The following TKT variants were observed in gnomAD, a reference collection of about 807,000 sequenced individuals.
TKT encodes the protein transketolase, also known as epididymis luminal protein 107.
A neutral mutation model predicts 63.9 loss-of-function variants in TKT; 47 were observed. That is an observed-to-expected ratio of 0.74 (90% CI 0.58 to 0.94). The LOEUF is 0.94. Among genes scored for constraint, TKT ranks in the 40% least tolerant of loss-of-function variants. The pLI is 0.00. For synonymous variants in TKT, 338 were observed against 334.1 expected, an observed-to-expected ratio of 1.01 and a Z score of -0.13; for missense variants, 721 against 846.2, an observed-to-expected ratio of 0.85 and a Z score of 1.84.
intron 4 of TKT, among the ~76,000 whole-genome samples, chr3:53,239,986 C>T (rs898095550): frequency 6.6e-6 from 1 of 152,236 alleles, no homozygotes; most frequent in Non-Finnish European, 1.5e-5. Context: ...TGAGAGCACG[C>T]ACTCTGTGCA....
rs782682940 is a variant in TKT, at chr3:53,241,102, G to A, written c.339+30C>T. Reference sequence around the variant, plus strand: ...CTGGGAAATAGGAAGTGGAGGCAGAGGCATGGGAGGCTCTGGCAGGAGCAC... The same window carrying A: ...CTGGGAAATAGGAAGTGGAGGCAGAAGCATGGGAGGCTCTGGCAGGAGCAC... On this transcript the variant is annotated intron_variant, in intron 3 of 13. Transcript: ENST00000462138. 6.6e-6 allele frequency: 10 copies of A among 1,521,780 alleles called. No homozygotes were observed. In the South Asian group the frequency reaches 1.3e-4, roughly 20 times the overall value. 94.3% of individuals were successfully genotyped at this position (1,521,780 alleles called of 1,614,324 possible).
rs782112598 is a variant in TKT, at chr3:53,255,965, C to T, written c.-23G>A. The T allele has an allele frequency of 3.4e-6, 5 of 1,484,568 alleles. No individual in the cohort carries two copies. Among genetic ancestry groups the T allele is most frequent in the Admixed American group, 4.2e-5 (2 of 47,926 alleles). 92.0% of individuals were successfully genotyped at this position (1,484,568 alleles called of 1,614,324 possible). ...CATGGTGCGGCAGGCGGGGACCGGG[C>T]GCACACGCGGACACACAGAGATAGC... On this transcript the variant is annotated 5_prime_UTR_variant, in exon 1 of 14. Coordinates refer to ENST00000462138, the MANE Select transcript of TKT (RefSeq NM_001064.4).
Position 53,225,760 on chromosome 3 carries a change from G to A in TKT, c.1868C>T (p.Ala623Val). Residue 623 changes from alanine (A) to valine (V), a missense_variant, in exon 14 of 14, where the codon GCC becomes GTC. By Grantham distance (64) the Ala-to-Val change is moderately conservative. Transcript: ENST00000462138. ...GCCCCACACTTCATACCCGCCCTAG[G>A]CCTTGGTGATGAGGCCCCTCACAGC... Reference protein sequence around the residue: ...AQAVRGLITKA With the variant: ...AQAVRGLITKV The A allele has an allele frequency of 1.2e-6, 2 of 1,611,778 alleles. No homozygotes were observed. Among genetic ancestry groups the A allele is most frequent in the Non-Finnish European group, 1.7e-6 (2 of 1,178,534 alleles).
intron 4 of TKT, 114 bp from the exon 5 acceptor site, chr3:53,235,288 T>A: frequency 2.1e-6 from 2 of 969,624 alleles, no homozygotes; most frequent in Admixed American, 3.5e-5. Flanking sequence ...CACGCATGGA[T>A]ATGCAGAACA....
intron 1 of TKT, among the ~76,000 whole-genome samples, chr3:53,249,981 G>A (rs535910838): frequency 2.4e-4 from 37 of 152,302 alleles, no homozygotes; most frequent in African/African-American, 8.7e-4. Flanking sequence ...AACAGGGGCC[G>A]GACATCAGTT....
intron 6 of TKT, 29 bp downstream of exon 6, chr3:53,233,127 G>T (rs782488624): frequency 1.3e-6 from 2 of 1,593,706 alleles, no homozygotes; most frequent in Admixed American, 1.7e-5. Flanking sequence ...GAGGGGTGAA[G>T]GTGGGGAGGG....
Position 53,230,575 on chromosome 3 carries a change from T to C in TKT, c.989A>G (p.His330Arg). ...CAGGGCGATGATGCGGTCACTGGCA[T>C]GGCCCAGCTTGGCCAGTGCCTGCCC... is the stretch of plus-strand genomic sequence containing the variant. ...AYGQALAKLGHASDRIIALDG... is the reference protein window; with the variant it reads ...AYGQALAKLGRASDRIIALDG... Residue 330 changes from histidine to arginine, a missense_variant, in exon 8 of 14, where the codon CAT (histidine) becomes CGT (arginine). Coordinates refer to ENST00000462138, the MANE Select transcript of TKT (RefSeq NM_001064.4). The C allele has an allele frequency of 2.5e-6, 4 of 1,614,238 alleles. No homozygotes were observed. The highest frequency in any genetic ancestry group is 3.4e-6 in the Non-Finnish European group (4 of 1,180,046).
At chr3:53,230,738 GC>G (rs1161955012) in intron 7 of TKT, 117 bp from the exon 8 acceptor site, 1 of 1,260,482 alleles carries the variant, frequency 7.9e-7, no homozygotes, top group East Asian at 2.5e-5. Context: ...AAGCCCTGGA[GC>G]ACAAGGTCCT....
At chr3:53,240,123 C>T in intron 4 of TKT, 128 bp downstream of exon 4, 2 of 808,236 alleles carry the variant, frequency 2.5e-6, no homozygotes, top group South Asian at 4.0e-5. Context: ...GCAAAAGAGG[C>T]CACGCATATG....
rs545760584 is a variant in TKT, at chr3:53,242,441, G to C, written c.108-199C>G. Among the ~76,000 whole-genome samples, 313 of 152,288 alleles carry C rather than the reference G, an allele frequency of 2.1e-3. 1 individual carries two copies. The highest frequency in any genetic ancestry group is 7.3e-3 in the African/African-American group (304 of 41,556). On this transcript the variant is annotated intron_variant, in intron 1 of 13. Transcript: ENST00000462138. ...GCCACTCCTGGCAGTTTGGGGCCTG[G>C]GCCAGCTAGTGGGTGCTGGGGACTG... is the stretch of plus-strand genomic sequence containing the variant.
chr3:53,230,716 G>T, intron 7 of TKT, 95 bp from the exon 8 acceptor site: 2 of 1,444,054 alleles, frequency 1.4e-6, no homozygotes, highest in South Asian at 2.6e-5. Context: ...ATTAAAACGG[G>T]GCCAAAAATG....
rs138887336 is a variant in TKT at position 53,231,451 on chromosome 3, T to A, written c.848A>T (p.Lys283Met). Residue 283 changes from lysine to methionine, a missense_variant, in exon 7 of 14, where the codon AAG becomes ATG. By Grantham distance (95) the Lys-to-Met change is moderately conservative. Transcript: ENST00000462138. ...CTCCTGTGGAGGGGTTGCCAGGATC[T>A]TCTTTTTGCTCTGGATCTGGCTGTA... ...EIYSQIQSKK[K>M]ILATPPQEDA... is the part of the protein sequence containing the mutation. 1,216 of 1,614,054 alleles carry A rather than the reference T, an allele frequency of 7.5e-4. 2 individuals are homozygous for A. The highest frequency in any genetic ancestry group is 7.0e-4 in the Non-Finnish European group (831 of 1,180,014).
At chr3:53,242,920 G>A (rs1227591322) in intron 1 of TKT, among the ~76,000 whole-genome samples, 1 of 152,176 alleles carries the variant, frequency 6.6e-6, no homozygotes, top group Non-Finnish European at 1.5e-5. Flanking sequence ...TGGGCTACTT[G>A]AAAGCTTTAG....
chr3:53,241,108 G>C (rs1553679725), intron 3 of TKT, 24 bp downstream of exon 3: 1 of 1,529,396 alleles, frequency 6.5e-7, no homozygotes, highest in Non-Finnish European at 8.7e-7. Context: ...CAGAGGCATG[G>C]GAGGCTCTGG....
Position 53,229,310 on chromosome 3 carries a change from G to T in TKT, c.1234C>A (p.Leu412Ile), listed in dbSNP as rs1473457471. 2 of 1,613,964 alleles carry T rather than the reference G, an allele frequency of 1.2e-6. No homozygotes were observed. The highest frequency in any genetic ancestry group is 2.2e-5 in the East Asian group (1 of 44,862). ...GAAACGCCGCAGTGGGAGCCGCAGA[G>T]GTTGATGTTGCTCTCGGAGATGGCG... Reference protein sequence around the residue: ...MAAISESNINLCGSHCGVSIG... With the variant: ...MAAISESNINICGSHCGVSIG... Residue 412 changes from leucine (L) to isoleucine (I), a missense_variant, in exon 9 of 14, where the codon CTC (leucine) becomes ATC (isoleucine). Leu to Ile is a conservative substitution (Grantham distance 5). Coordinates refer to ENST00000462138, the MANE Select transcript of TKT (RefSeq NM_001064.4).
intron 1 of TKT, among the ~76,000 whole-genome samples, chr3:53,245,341 C>T (rs1446844189): frequency 6.6e-6 from 1 of 151,586 alleles, no homozygotes; most frequent in Non-Finnish European, 1.5e-5. Flanking sequence ...TCTCCACTCC[C>T]CTCCAGGACA....
rs953424923 is a variant in TKT, at chr3:53,229,524, A to G, written c.1108-88T>C. On this transcript the variant is annotated intron_variant, in intron 8 of 13. Transcript: ENST00000462138. Reference sequence around the variant, plus strand: ...GACCCCTTTTGTGGAGAAAGCCACAATTTGTATATAGATTGTCCATCCTTT... The same window carrying G: ...GACCCCTTTTGTGGAGAAAGCCACAGTTTGTATATAGATTGTCCATCCTTT... 1.7e-5 allele frequency: 23 copies of G among 1,386,782 alleles called. No homozygotes were observed. The South Asian group carries it at 2.9e-4, about 17-fold the overall frequency. 85.9% of individuals were successfully genotyped at this position (1,386,782 alleles called of 1,614,324 possible).
At chr3:53,237,298 G>C (rs933781655) in intron 4 of TKT, among the ~76,000 whole-genome samples, 1 of 152,026 alleles carries the variant, frequency 6.6e-6, no homozygotes, top group African/African-American at 2.4e-5. Context: ...TGAGGCAGGA[G>C]AATTACTTGA....
chr3:53,227,806 T>TG (rs35936646), intron 12 of TKT: 84,394 of 418,404 alleles, frequency 0.2, 10,736 homozygotes, highest in East Asian at 0.5. Flanking sequence ...GCCACCATGC[T>TG]GGGGGGGTCT....
Sources: allele counts gnomAD v4.1 joint callset (sites outside exome capture counted in the v4.1 genomes callset), GRCh38; gene constraint gnomAD v4.1.1; transcripts MANE v1.5; gene names NCBI Gene and HGNC (gene_info 2026-07-23, HGNC 2026-07-21).